Variants in CHAF1A observed in about 807,000 individuals in gnomAD.
CHAF1A encodes the protein CAF-1 subunit A.
Under a neutral mutation model 93.2 loss-of-function variants are expected in CHAF1A, and 5 were observed. The observed-to-expected ratio is 0.05, with a 90% CI of 0.03 to 0.11. The LOEUF (loss-of-function observed/expected upper bound fraction) is 0.11, where lower values mean the gene tolerates loss of function less well. CHAF1A is among the 10% of genes least tolerant of loss of function. CHAF1A has a pLI of 1.00. For missense variants in CHAF1A, 1,102 were observed against 1,259.9 expected (o/e 0.87, Z 1.90); for synonymous variants, 504 against 510.3 (o/e 0.99, Z 0.17).
At chr19:4,414,220 G>A (rs1055749532) in intron 3 of CHAF1A, among the ~76,000 whole-genome samples, 10 of 152,064 alleles carry the variant, frequency 6.6e-5, no homozygotes, top group Non-Finnish European at 1.2e-4. Context: ...GACCAACATG[G>A]TGAAACTCCG....
chr19:4,408,830 C>G (rs1973734085), intron 2 of CHAF1A, 73 bp from the exon 3 acceptor site: 1 of 1,513,214 alleles, frequency 6.6e-7, no homozygotes, highest in South Asian at 1.3e-5. Context: ...CCCAACAAAT[C>G]AGTAATTTTC....
rs1974195495 is a variant in CHAF1A at position 4,432,145 on chromosome 19, C to A, written c.2141C>A (p.Thr714Asn). Residue 714 changes from threonine (T) to asparagine (N), a missense_variant, in exon 12 of 15, where the codon ACC becomes AAC. Coordinates refer to ENST00000301280, the MANE Select transcript of CHAF1A (RefSeq NM_005483.3). ...LQQFAACFLE[T>N]LPAQEEQTPK... The stretch of plus-strand genomic sequence containing the variant: ...CAGTTCGCAGCCTGCTTCCTGGAGA[C>A]CCTGCCGGCCCAGGAGGAGCAGACG... The A allele has an allele frequency of 1.9e-6, 3 of 1,613,030 alleles. No homozygotes were observed. The highest frequency in any genetic ancestry group is 1.7e-6 in the Non-Finnish European group (2 of 1,179,796).
intron 3 of CHAF1A, among the ~76,000 whole-genome samples, chr19:4,414,761 T>C (rs899771192): frequency 6.6e-6 from 1 of 152,192 alleles, no homozygotes; most frequent in African/African-American, 2.4e-5. Context: ...TTGAGCTTCC[T>C]TCTACAAGTG....
At chr19:4,432,787 G>A (rs371697077) in intron 12 of CHAF1A, among the ~76,000 whole-genome samples, 7 of 151,700 alleles carry the variant, frequency 4.6e-5, no homozygotes, top group African/African-American at 1.7e-4. Context: ...AAAAAACTGG[G>A]GAGGGACCAT....
At position 4,442,902 on chromosome 19, in the gene CHAF1A, ACCCT is replaced by A. The variant is rs1371392700; in HGVS notation, c.2771-17_2771-14del. On this transcript the variant is annotated intron_variant, in intron 14 of 14. Coordinates refer to ENST00000301280, the MANE Select transcript of CHAF1A (RefSeq NM_005483.3). ...GCCCAGAGGGCCCAGCCAGCTCAAGACCCTCCCTCTCTTGCCCTGCAGAGGTCCA... is the reference window on the plus strand; with the variant it reads ...GCCCAGAGGGCCCAGCCAGCTCAAGACCCTCTCTTGCCCTGCAGAGGTCCA... 1 of 1,530,072 alleles carries A rather than the reference ACCCT, an allele frequency of 6.5e-7. No homozygotes were observed. The highest frequency in any genetic ancestry group is 8.8e-7 in the Non-Finnish European group (1 of 1,137,146). The allele number at this position is 1,530,072 out of a possible 1,614,324, so 94.8% of individuals were successfully genotyped here. A position where few individuals can be genotyped will look rare whatever the true frequency, so the allele number is the denominator to read the frequency against.
chr19:4,444,334 G>T (rs1486441417), downstream of CHAF1A, among the ~76,000 whole-genome samples: 1 of 152,098 alleles, frequency 6.6e-6, no homozygotes, highest in African/African-American at 2.4e-5. Flanking sequence ...CCACACTGCA[G>T]GGCAGAGTCC....
At chr19:4,445,531 G>A (rs369022235), downstream of CHAF1A, 65 of 1,613,936 alleles carry the variant, frequency 4.0e-5, no homozygotes, top group African/African-American at 4.9e-4. Context: ...ACAGGAGCTC[G>A]GGTTTCAGGA....
rs760263178 is a variant in CHAF1A at position 4,409,126 on chromosome 19, T to A, written c.327T>A (p.Ser109Arg). Residue 109 changes from serine (S) to arginine (R), a missense_variant, in exon 3 of 15, where the codon AGT becomes AGA. Around this residue, in one of 6 missense-constraint regions of CHAF1A, gnomAD observed 379 missense variants for 365.7 expected, o/e 1.04. Coordinates refer to ENST00000301280, the MANE Select transcript of CHAF1A (RefSeq NM_005483.3). ...TTTTAAGAAATAGAATCGAAACCAGTATTGGCCAGAGCACAGTCATCATTG... is the reference window on the plus strand; with the variant it reads ...TTTTAAGAAATAGAATCGAAACCAGAATTGGCCAGAGCACAGTCATCATTG... Reference protein sequence around the residue: ...DNFLRNRIETSIGQSTVIIDL... With the variant: ...DNFLRNRIETRIGQSTVIIDL... The A allele has an allele frequency of 6.2e-7, 1 of 1,614,076 alleles. No homozygotes were observed. The highest frequency in any genetic ancestry group is 1.7e-5 in the Admixed American group (1 of 60,014).
chr19:4,447,707 C>T (rs1425182727), downstream of CHAF1A: 2 of 1,407,696 alleles, frequency 1.4e-6, no homozygotes, highest in Non-Finnish European at 1.0e-6. Flanking sequence ...CAGGTAACAG[C>T]AGCTCAGCCA....
intron 3 of CHAF1A, among the ~76,000 whole-genome samples, chr19:4,414,920 C>A (rs372367294): frequency 4.6e-5 from 7 of 152,136 alleles, no homozygotes; most frequent in African/African-American, 1.7e-4. Flanking sequence ...CAGGTTTTAG[C>A]GGCTTATCTG....
chr19:4,411,605 C>T (rs1198770579), intron 3 of CHAF1A, among the ~76,000 whole-genome samples: 3 of 138,698 alleles, frequency 2.2e-5, no homozygotes, highest in African/African-American at 8.0e-5. Flanking sequence ...AAATGGCTTC[C>T]TCTTTAGGTT....
At chr19:4,413,954 G>C (rs1410241182) in intron 3 of CHAF1A, among the ~76,000 whole-genome samples, 1 of 152,196 alleles carries the variant, frequency 6.6e-6, no homozygotes, top group African/African-American at 2.4e-5. Context: ...TTGTGATTTA[G>C]CCTCTTCTGT....
intron 4 of CHAF1A, among the ~76,000 whole-genome samples, chr19:4,421,401 T>C (rs1322110584): frequency 1.3e-5 from 2 of 152,178 alleles, no homozygotes; most frequent in African/African-American, 4.8e-5. Flanking sequence ...GAATCTTATA[T>C]TGAATTTCCC....
chr19:4,440,153 T>A (rs1974359131), intron 13 of CHAF1A, among the ~76,000 whole-genome samples: 2 of 152,132 alleles, frequency 1.3e-5, no homozygotes, highest in Admixed American at 1.3e-4. Context: ...TTCCTGGAAT[T>A]TTTTGAGGAC....
At chr19:4,446,899 C>T (rs1452729151), downstream of CHAF1A, 8 of 1,613,856 alleles carry the variant, frequency 5.0e-6, no homozygotes, top group Non-Finnish European at 6.8e-6. Flanking sequence ...TCGTGGGTCC[C>T]TTCCAGGCAG....
At chr19:4,437,512 A>G (rs1174914318) in intron 13 of CHAF1A, among the ~76,000 whole-genome samples, 1 of 152,004 alleles carries the variant, frequency 6.6e-6, no homozygotes, top group Non-Finnish European at 1.5e-5. Flanking sequence ...CACCATGCCC[A>G]ACTAATTTTC....
intron 13 of CHAF1A, among the ~76,000 whole-genome samples, chr19:4,437,993 G>T (rs1474225604): frequency 6.6e-6 from 1 of 152,004 alleles, no homozygotes; most frequent in Non-Finnish European, 1.5e-5. Context: ...TGCCCGCCTC[G>T]GCCTCCCAAA....
At chr19:4,419,697 C>G (rs1355234527) in intron 4 of CHAF1A, among the ~76,000 whole-genome samples, 1 of 152,162 alleles carries the variant, frequency 6.6e-6, no homozygotes, top group African/African-American at 2.4e-5. Flanking sequence ...TCCCAAAGTG[C>G]TGGGACTACA....
At chr19:4,406,924 C>G (rs978140642) in intron 2 of CHAF1A, among the ~76,000 whole-genome samples, 1 of 151,864 alleles carries the variant, frequency 6.6e-6, no homozygotes, top group Admixed American at 6.6e-5. Flanking sequence ...GACTCTGTCT[C>G]TTGAAAAAAA....
Sources: gnomAD v4.1 joint callset for allele counts (sites outside exome capture counted in the v4.1 genomes callset) on GRCh38, gnomAD v4.1.1 for gene constraint, gnomAD v4.1.1 regional missense constraint, MANE v1.5 for transcripts, NCBI Gene and HGNC (gene_info 2026-07-23, HGNC 2026-07-21) for gene names.